Variants in CAST observed in about 807,000 individuals in gnomAD.
CAST encodes calpastatin.
CAST carries 76 observed loss-of-function variants against 119.6 expected under a neutral mutation model. The ratio of observed to expected loss-of-function variants is 0.64; its 90% confidence interval spans 0.53 to 0.77. The LOEUF (loss-of-function observed/expected upper bound fraction) is 0.77, where lower values mean the gene tolerates loss of function less well. Ranked by LOEUF, CAST falls within the 30% of genes least tolerant of loss-of-function variation. The probability of loss-of-function intolerance (pLI) is 0.00; values close to 1 mark genes in which losing one functional copy is unlikely to be tolerated. For synonymous variants in CAST, 319 were observed against 331.6 expected (o/e 0.96, Z 0.41); for missense variants, 953 against 946.5 (o/e 1.01, Z -0.09).
chr5:95,989,477 C>T, the CAST span, among the ~76,000 whole-genome samples: 1 of 152,098 alleles, frequency 6.6e-6, no homozygotes, highest in African/African-American at 2.4e-5. Context: ...AAGCTGCTTT[C>T]CCAGCTGAAA....
At chr5:96,284,492 G>A in the CAST span, among the ~76,000 whole-genome samples, 1 of 152,080 alleles carries the variant, frequency 6.6e-6, no homozygotes, top group Non-Finnish European at 1.5e-5. Flanking sequence ...CTCTATTTTG[G>A]GGCTCCCAGG....
chr5:96,335,365 GTA>G, the CAST span, among the ~76,000 whole-genome samples: 3 of 152,132 alleles, frequency 2.0e-5, no homozygotes, highest in Admixed American at 1.3e-4. Context: ...TTGTCTCACT[GTA>G]TGTTTCTGGG....
intron 1 of CAST, among the ~76,000 whole-genome samples, chr5:96,536,182 A>C (rs990444154): frequency 6.6e-6 from 1 of 151,670 alleles, no homozygotes; most frequent in Non-Finnish European, 1.5e-5. Flanking sequence ...ACATGATGAA[A>C]TCCCATCTCT....
the CAST span, among the ~76,000 whole-genome samples, chr5:96,426,744 C>A: frequency 6.6e-6 from 1 of 152,126 alleles, no homozygotes; most frequent in Non-Finnish European, 1.5e-5. Flanking sequence ...CTGCTGTATG[C>A]ATGATGACAA....
chr5:96,751,559 T>G (rs1022213100), intron 20 of CAST, among the ~76,000 whole-genome samples: 1 of 152,062 alleles, frequency 6.6e-6, no homozygotes, highest in Non-Finnish European at 1.5e-5. Flanking sequence ...CCCTCCCCAG[T>G]TTTTTGGGGT....
chr5:96,171,779 A>AT, the CAST span, among the ~76,000 whole-genome samples: 1 of 152,214 alleles, frequency 6.6e-6, no homozygotes, highest in Non-Finnish European at 1.5e-5. Flanking sequence ...GGAGAAGAGA[A>AT]TAAAAAGAGG....
the CAST span, among the ~76,000 whole-genome samples, chr5:96,365,903 A>T: frequency 6.6e-6 from 1 of 152,140 alleles, no homozygotes; most frequent in Non-Finnish European, 1.5e-5. Context: ...TCATTAGTTG[A>T]TGCAGTTTCT....
At chr5:95,974,344 G>A in the CAST span, among the ~76,000 whole-genome samples, 1 of 152,158 alleles carries the variant, frequency 6.6e-6, no homozygotes, top group African/African-American at 2.4e-5. Flanking sequence ...GATTTCTAGT[G>A]CCTCAGCAAC....
chr5:96,492,688 C>T, the CAST span, among the ~76,000 whole-genome samples: 31 of 152,202 alleles, frequency 2.0e-4, no homozygotes, highest in Non-Finnish European at 4.0e-4. Flanking sequence ...TTCCCACCCT[C>T]CTGTCATCAC....
chr5:96,049,302 T>C, the CAST span, among the ~76,000 whole-genome samples: 2 of 152,232 alleles, frequency 1.3e-5, no homozygotes, highest in African/African-American at 4.8e-5. Context: ...ATGCAGTTAT[T>C]TTCCTTTTTG....
At chr5:96,146,675 AACATAC>A in the CAST span, among the ~76,000 whole-genome samples, 1 of 152,270 alleles carries the variant, frequency 6.6e-6, no homozygotes, top group Non-Finnish European at 1.5e-5. Context: ...CAAACACATT[AACATAC>A]AGCCTTTTTT....
the CAST span, chr5:96,215,317 T>G: frequency 3.3e-5 from 5 of 152,178 alleles, no homozygotes; most frequent in African/African-American, 1.2e-4. Flanking sequence ...TGAAAAAATT[T>G]TTAAATATTT....
Position 96,564,384 on chromosome 5 carries a change from A to T in CAST, c.60+34504A>T, listed in dbSNP as rs115614624. On this transcript the variant is annotated intron_variant, in intron 1 of 11. Transcript: ENST00000505143. ...GACTTTTTCACTTGGGCTGGCTCTG[A>T]TTCCAAGAAAGTTTTCTGAAGTGTA... Among the ~76,000 whole-genome samples, 746 of 152,330 alleles carry T rather than the reference A, an allele frequency of 4.9e-3. 1 individual carries two copies. The highest frequency in any genetic ancestry group is 6.6e-3 in the Non-Finnish European group (449 of 68,018).
At chr5:96,219,382 T>C in the CAST span, among the ~76,000 whole-genome samples, 1 of 152,218 alleles carries the variant, frequency 6.6e-6, no homozygotes, top group Non-Finnish European at 1.5e-5. Context: ...AGCCCCAAAG[T>C]GGCTGTCACA....
At position 96,747,727 on chromosome 5, in the gene CAST, C is replaced by G. The variant is rs568413512; in HGVS notation, c.1332+335C>G. On this transcript the variant is annotated intron_variant, in intron 18 of 31. Transcript: ENST00000675179. ...AAATTCTCTAATGATTCTATTTTGCCTTAAGTTGGTAGTAACCTGTCACAT... is the reference window on the plus strand; with the variant it reads ...AAATTCTCTAATGATTCTATTTTGCGTTAAGTTGGTAGTAACCTGTCACAT... Among the ~76,000 whole-genome samples the G allele has an allele frequency of 2.6e-5, 4 of 152,236 alleles. No homozygotes were observed. In the East Asian group the frequency reaches 7.7e-4, roughly 29 times the overall value.
the CAST span, among the ~76,000 whole-genome samples, chr5:96,259,027 G>A: frequency 6.6e-6 from 1 of 152,212 alleles, no homozygotes; most frequent in East Asian, 1.9e-4. Flanking sequence ...GATATGAGAG[G>A]TGAACTGGGC....
chr5:96,409,998 C>G, the CAST span, among the ~76,000 whole-genome samples: 1 of 152,164 alleles, frequency 6.6e-6, no homozygotes, highest in Non-Finnish European at 1.5e-5. Flanking sequence ...TAGATCATGA[C>G]CTGCTATTTC....
chr5:96,662,975 A>AC, intron 1 of CAST: 1 of 605,740 alleles, frequency 1.7e-6, no homozygotes. Context: ...GCCGGGCCCC[A>AC]CCCCCAGGGT....
chr5:95,983,923 A>G, the CAST span, among the ~76,000 whole-genome samples: 1 of 152,208 alleles, frequency 6.6e-6, no homozygotes, highest in Admixed American at 6.5e-5. Flanking sequence ...TGTCTTGCAG[A>G]CAGAATAGAT....
Sources: allele counts gnomAD v4.1 joint callset (sites outside exome capture counted in the v4.1 genomes callset), GRCh38; gene constraint gnomAD v4.1.1; transcripts MANE v1.5; gene names NCBI Gene and HGNC (gene_info 2026-07-23, HGNC 2026-07-21).